Variants in PDZRN4 observed in about 807,000 individuals in gnomAD.
PDZRN4 encodes the protein PDZ domain-containing RING finger protein 4.
In PDZRN4, 70 loss-of-function variants were observed where a neutral mutation model predicts 99.0. The ratio of observed to expected loss-of-function variants is 0.71; its 90% CI spans 0.58 to 0.86. The LOEUF (loss-of-function observed/expected upper bound fraction) is 0.86. Among genes scored for constraint, PDZRN4 ranks in the 40% least tolerant of loss-of-function variants. The probability of loss-of-function intolerance (pLI) is 0.00; values close to 1 mark genes in which losing one functional copy is unlikely to be tolerated. For missense variants in PDZRN4, 1,474 were observed against 1,331.2 expected, an observed-to-expected ratio of 1.11 and a Z score of -1.67; for synonymous variants, 551 against 501.6, an observed-to-expected ratio of 1.10 and a Z score of -1.32.
At chr12:41,516,939 C>A (rs941987073) in intron 5 of PDZRN4, among the ~76,000 whole-genome samples, 1 of 151,902 alleles carries the variant, frequency 6.6e-6, no homozygotes, top group African/African-American at 2.4e-5. Context: ...TATTAAATTG[C>A]ATGATTTCCC....
At chr12:41,254,406 G>T (rs1272871964) in intron 3 of PDZRN4, among the ~76,000 whole-genome samples, 1 of 152,164 alleles carries the variant, frequency 6.6e-6, no homozygotes, top group African/African-American at 2.4e-5. Context: ...GCTAGGATTT[G>T]AATGAGACTG....
At chr12:41,381,666 T>C (rs1320687468) in intron 3 of PDZRN4, among the ~76,000 whole-genome samples, 6 of 152,236 alleles carry the variant, frequency 3.9e-5, no homozygotes, top group Non-Finnish European at 5.9e-5. Flanking sequence ...TTCCATGTTT[T>C]CTTGTAGTTC....
intron 3 of PDZRN4, among the ~76,000 whole-genome samples, chr12:41,371,393 T>C (rs975823169): frequency 6.6e-6 from 1 of 152,036 alleles, no homozygotes; most frequent in African/African-American, 2.4e-5. Flanking sequence ...AATAGCAGGC[T>C]TCTTTCTGCT....
rs138241903 is a variant in PDZRN4 at position 41,536,368 on chromosome 12, G to A, written c.1204-16288G>A. ...ACATACTGTATGATTCCAACTACAT[G>A]GAAAGGCAAAACTACAGAGAAAATA... On this transcript the variant is annotated intron_variant, in intron 5 of 9. Coordinates refer to ENST00000402685, the MANE Select transcript of PDZRN4 (RefSeq NM_001164595.2). Among the ~76,000 whole-genome samples the A allele has an allele frequency of 7.4e-4, 112 of 152,216 alleles. 1 individual carries two copies. The highest frequency in any genetic ancestry group is 2.6e-3 in the African/African-American group (109 of 41,530).
At position 41,230,267 on chromosome 12, in the gene PDZRN4, A is replaced by G. The variant is rs1054715879; in HGVS notation, c.843+36079A>G. 2.0e-5 allele frequency among the ~76,000 whole-genome samples: 3 copies of G among 151,976 alleles called. No individual in the cohort carries two copies. The East Asian group carries it at 5.8e-4, about 29-fold the overall frequency. ...AAAGTAGGGAGGTTTTTGAAACTTTATATTAGAGGACACTTATACATCCAT... is the reference window on the plus strand; with the variant it reads ...AAAGTAGGGAGGTTTTTGAAACTTTGTATTAGAGGACACTTATACATCCAT... On this transcript the variant is annotated intron_variant, in intron 3 of 9. Coordinates refer to ENST00000402685, the MANE Select transcript of PDZRN4 (RefSeq NM_001164595.2).
At chr12:41,349,135 A>T (rs1171341684) in intron 3 of PDZRN4, among the ~76,000 whole-genome samples, 1 of 151,964 alleles carries the variant, frequency 6.6e-6, no homozygotes, top group Non-Finnish European at 1.5e-5. Flanking sequence ...AATAGGGATC[A>T]CCTATATTAA....
intron 3 of PDZRN4, among the ~76,000 whole-genome samples, chr12:41,397,947 C>T (rs1446410327): frequency 6.6e-6 from 1 of 152,034 alleles, no homozygotes; most frequent in African/African-American, 2.4e-5. Context: ...AAAAAATAGG[C>T]ATTAGAGTCA....
At chr12:41,323,072 G>T (rs1951690529) in intron 3 of PDZRN4, among the ~76,000 whole-genome samples, 1 of 152,144 alleles carries the variant, frequency 6.6e-6, no homozygotes, top group Admixed American at 6.5e-5. Context: ...AAGGTAGCTA[G>T]ATTAGTGGTT....
chr12:41,299,618 T>C (rs921082301), intron 3 of PDZRN4, among the ~76,000 whole-genome samples: 9 of 152,030 alleles, frequency 5.9e-5, no homozygotes, highest in African/African-American at 2.2e-4. Flanking sequence ...TCTTCTAGAG[T>C]AAAACTTTCA....
intron 3 of PDZRN4, among the ~76,000 whole-genome samples, chr12:41,330,573 C>T (rs1490112439): frequency 2.0e-5 from 3 of 150,852 alleles, no homozygotes; most frequent in Non-Finnish European, 4.4e-5. Flanking sequence ...ATTAAAACAT[C>T]TAATGTGTCT....
At chr12:41,249,703 T>TG (rs1378522315) in intron 3 of PDZRN4, among the ~76,000 whole-genome samples, 1 of 152,206 alleles carries the variant, frequency 6.6e-6, no homozygotes, top group East Asian at 1.9e-4. Context: ...GATGACTTAC[T>TG]GGGGCCTGAA....
At chr12:41,341,602 C>T (rs866084254) in intron 3 of PDZRN4, among the ~76,000 whole-genome samples, 6 of 151,498 alleles carry the variant, frequency 4.0e-5, no homozygotes, top group South Asian at 4.1e-4. Context: ...TTTATAATAG[C>T]TAGCAAAAAA....
At chr12:41,377,841 A>T (rs1952093520) in intron 3 of PDZRN4, among the ~76,000 whole-genome samples, 1 of 152,134 alleles carries the variant, frequency 6.6e-6, no homozygotes, top group Admixed American at 6.5e-5. Flanking sequence ...GCATCTTGCA[A>T]CTTTAATGAA....
chr12:41,316,560 A>G (rs898221487), intron 3 of PDZRN4, among the ~76,000 whole-genome samples: 1 of 151,806 alleles, frequency 6.6e-6, no homozygotes, highest in Non-Finnish European at 1.5e-5. Flanking sequence ...CTAAATATTT[A>G]TTATAACCTA....
Position 41,395,042 on chromosome 12 carries a change from A to G in PDZRN4, c.844-111414A>G, listed in dbSNP as rs548039697. 3.3e-5 allele frequency among the ~76,000 whole-genome samples: 5 copies of G among 152,196 alleles called. No individual in the cohort carries two copies. The South Asian group carries it at 1.0e-3, about 32-fold the overall frequency. ...ACTGCAGTTCACTTTCTTATCACAAATTATTTATATTGCTCCCACTATGCT... is the reference window on the plus strand; with the variant it reads ...ACTGCAGTTCACTTTCTTATCACAAGTTATTTATATTGCTCCCACTATGCT... On this transcript the variant is annotated intron_variant, in intron 3 of 9. Transcript: ENST00000402685.
At chr12:41,193,406 T>C (rs1163215654) in intron 2 of PDZRN4, among the ~76,000 whole-genome samples, 1 of 152,228 alleles carries the variant, frequency 6.6e-6, no homozygotes, top group Non-Finnish European at 1.5e-5. Flanking sequence ...AAGCTTTGAC[T>C]TCTTGTGACT....
chr12:41,342,986 A>G (rs1370816623), intron 3 of PDZRN4, among the ~76,000 whole-genome samples: 1 of 151,990 alleles, frequency 6.6e-6, no homozygotes, highest in Non-Finnish European at 1.5e-5. Flanking sequence ...GAATGGAAAA[A>G]CAATAAATAG....
At chr12:41,229,312 C>G (rs1256269369) in intron 3 of PDZRN4, among the ~76,000 whole-genome samples, 1 of 151,872 alleles carries the variant, frequency 6.6e-6, no homozygotes, top group Non-Finnish European at 1.5e-5. Flanking sequence ...TTAAAGTTCC[C>G]TATTCAAATA....
At chr12:41,349,355 A>C (rs1951875150) in intron 3 of PDZRN4, among the ~76,000 whole-genome samples, 1 of 151,896 alleles carries the variant, frequency 6.6e-6, no homozygotes, top group South Asian at 2.1e-4. Flanking sequence ...AATTGAACAA[A>C]AGAGAAGACT....
Sources: gnomAD v4.1 joint callset for allele counts (sites outside exome capture counted in the v4.1 genomes callset) on GRCh38, gnomAD v4.1.1 for gene constraint, MANE v1.5 for transcripts, NCBI Gene and HGNC (gene_info 2026-07-23, HGNC 2026-07-21) for gene names.